The following PIH1D2 variants were observed in gnomAD, a reference collection of about 807,000 sequenced individuals.
The protein encoded by PIH1D2 is PIH1 domain-containing protein 2.
In PIH1D2, 25 loss-of-function variants were observed where a neutral mutation model predicts 31.2. The observed-to-expected ratio is 0.80, with a 90% CI of 0.58 to 1.12. PIH1D2 has a LOEUF of 1.12. PIH1D2 is among the 50% of genes most tolerant of loss of function. The pLI is 0.00. For missense variants in PIH1D2, 310 were observed against 356.6 expected, an observed-to-expected ratio of 0.87 and a Z score of 1.05; for synonymous variants, 116 against 119.9, an observed-to-expected ratio of 0.97 and a Z score of 0.21.
At chr11:112,059,309 G>A (rs1468047772), downstream of PIH1D2, among the ~76,000 whole-genome samples, 1 of 151,478 alleles carries the variant, frequency 6.6e-6, no homozygotes, top group Admixed American at 6.6e-5. Flanking sequence ...GATGTTAGAC[G>A]ATATGTGCGA....
At chr11:112,068,633 A>G (rs1411865029) in intron 5 of PIH1D2, among the ~76,000 whole-genome samples, 1 of 151,958 alleles carries the variant, frequency 6.6e-6, no homozygotes, top group African/African-American at 2.4e-5. Context: ...AAAATACAAA[A>G]ATTAGCCAGG....
the PIH1D2 span, among the ~76,000 whole-genome samples, chr11:112,053,612 C>A: frequency 4.6e-5 from 7 of 152,014 alleles, no homozygotes; most frequent in African/African-American, 1.7e-4. Flanking sequence ...GCCACCACTC[C>A]CAGGTAATTT....
downstream of PIH1D2, chr11:112,062,311 T>G (rs1864683589): frequency 7.6e-7 from 1 of 1,311,168 alleles, no homozygotes; most frequent in African/African-American, 1.4e-5. Context: ...ATTACCTGGT[T>G]GGGATTATAG....
chr11:112,061,467 G>T, downstream of PIH1D2: 1 of 365,870 alleles, frequency 2.7e-6, no homozygotes, highest in Admixed American at 4.3e-5. Context: ...GAAATTTGTG[G>T]AATTGTTTAC....
At chr11:112,065,914 G>A (rs587631195), downstream of PIH1D2, among the ~76,000 whole-genome samples, 16 of 152,152 alleles carry the variant, frequency 1.1e-4, no homozygotes, top group East Asian at 3.1e-3. Context: ...CTCGGGATGG[G>A]GCAGGGGTAG....
chr11:112,071,385 A>T (rs1865104867), intron 3 of PIH1D2, 102 bp from the exon 4 acceptor site: 8 of 1,418,968 alleles, frequency 5.6e-6, no homozygotes, highest in Admixed American at 2.2e-5. Flanking sequence ...GCTAGAGAAT[A>T]TTCCTGTATT....
At chr11:112,062,755 T>C (rs886047695), downstream of PIH1D2, 1 of 520,482 alleles carries the variant, frequency 1.9e-6, no homozygotes, top group Non-Finnish European at 3.4e-6. Flanking sequence ...GATTTTTAGC[T>C]CTGTACTCCT....
downstream of PIH1D2, chr11:112,064,216 T>C: frequency 6.4e-7 from 1 of 1,563,154 alleles, no homozygotes; most frequent in Non-Finnish European, 8.6e-7. Flanking sequence ...GTGGTTCTGT[T>C]GTTCCCTTGA....
At chr11:112,060,119 G>T (rs587603674), downstream of PIH1D2, 417 of 1,400,306 alleles carry the variant, frequency 3.0e-4, 3 homozygotes, top group South Asian at 4.1e-3. Context: ...TTTGCATAAT[G>T]CATTTATTGC....
At chr11:112,060,039 G>T, downstream of PIH1D2, 2 of 1,613,786 alleles carry the variant, frequency 1.2e-6, no homozygotes, top group South Asian at 1.1e-5. Context: ...AGCAAGAGAG[G>T]GTAAACTACA....
At chr11:112,059,804 C>A (rs1864436617), downstream of PIH1D2, 2 of 1,102,380 alleles carry the variant, frequency 1.8e-6, no homozygotes, top group African/African-American at 1.6e-5. Flanking sequence ...CACATTGGTT[C>A]AAAAAATTTT....
chr11:112,052,845 C>T, the PIH1D2 span, among the ~76,000 whole-genome samples: 1 of 151,972 alleles, frequency 6.6e-6, no homozygotes, highest in African/African-American at 2.4e-5. Context: ...CAGTGACTGG[C>T]GCCATCCCGA....
At chr11:112,071,589 T>C in intron 3 of PIH1D2, 46 bp downstream of exon 3, 2 of 1,581,856 alleles carry the variant, frequency 1.3e-6, no homozygotes, top group Non-Finnish European at 1.7e-6. Context: ...ATCTTGTCCA[T>C]TCCTAATAAA....
intron 4 of PIH1D2, 163 bp downstream of exon 4, chr11:112,070,875 G>T: frequency 1.6e-6 from 2 of 1,212,466 alleles, no homozygotes; most frequent in Non-Finnish European, 2.2e-6. Flanking sequence ...AATTTTTCAG[G>T]ATTTAAAAAT....
At chr11:112,072,891 AAAAAAAAAC>A (rs1865183082) in intron 2 of PIH1D2, 98 bp downstream of exon 2, 26 of 1,190,712 alleles carry the variant, frequency 2.2e-5, no homozygotes, top group Non-Finnish European at 2.9e-5. Flanking sequence ...AAACAAAACA[AAAAAAAAAC>A]AAAAAAAATT....
intron 2 of PIH1D2, 81 bp downstream of exon 2, chr11:112,072,917 A>C: frequency 7.5e-7 from 1 of 1,342,256 alleles, no homozygotes; most frequent in Non-Finnish European, 9.9e-7. Context: ...AATTAGCAAT[A>C]CCTAAGTGTA....
At position 112,070,652 on chromosome 11, in the gene PIH1D2, G is replaced by A; in HGVS notation, c.597C>T (p.His199=). Residue 199 remains histidine, a synonymous_variant, in exon 5 of 6, where the codon CAC becomes CAT. Coordinates refer to ENST00000280350, the MANE Select transcript of PIH1D2 (RefSeq NM_138789.4). ...IRSSTMSNPD[H]FPQLLLPKDQ... Reference sequence around the variant, plus strand: ...CTTTTGGCAGTAACAGTTGAGGAAAGTGATCTGGATTGCTCATAGTACTGC... The same window carrying A: ...CTTTTGGCAGTAACAGTTGAGGAAAATGATCTGGATTGCTCATAGTACTGC... The A allele has an allele frequency of 1.2e-6, 2 of 1,614,120 alleles. No individual in the cohort carries two copies. Among genetic ancestry groups the A allele is most frequent in the Non-Finnish European group, 8.5e-7 (1 of 1,179,990 alleles).
chr11:112,068,098 A>G (rs1207907082), intron 5 of PIH1D2, 93 bp from the exon 6 acceptor site: 1 of 893,870 alleles, frequency 1.1e-6, no homozygotes, highest in African/African-American at 1.7e-5. Flanking sequence ...CCATAAAAAG[A>G]TCCCATTTGT....
rs781916269 is a variant in PIH1D2, at chr11:112,071,668, CAGTT to C, written c.264_267del (p.Thr89LeufsTer34). ...TCAGTTGTATCTTCTGGTTTGCCAA[CAGTT>C]AGAGGTACTGGATGAGTGGTTGATT... On this transcript the variant is annotated frameshift_variant, in exon 3 of 6. Transcript: ENST00000280350. LOFTEE classifies it high-confidence loss of function. 1.2e-6 allele frequency: 2 copies of C among 1,613,652 alleles called. No homozygotes were observed. The highest frequency in any genetic ancestry group is 1.7e-6 in the Non-Finnish European group (2 of 1,179,676).
Sources: allele counts gnomAD v4.1 joint callset (sites outside exome capture counted in the v4.1 genomes callset), GRCh38; gene constraint gnomAD v4.1.1; transcripts MANE v1.5; gene names NCBI Gene and HGNC (gene_info 2026-07-23, HGNC 2026-07-21).